Variants in RPS6KC1 observed in about 807,000 individuals in gnomAD.
RPS6KC1 encodes the protein ribosomal protein S6 kinase C1.
Under a neutral mutation model 103.8 loss-of-function variants are expected in RPS6KC1, and 54 were observed. The observed-to-expected ratio is 0.52, with a 90% CI of 0.42 to 0.65. The LOEUF is 0.65. Ranked by LOEUF, RPS6KC1 falls within the 30% of genes least tolerant of loss-of-function variation. The pLI is 0.00. For synonymous variants in RPS6KC1, 439 were observed against 438.7 expected (o/e 1.00, Z -0.01); for missense variants, 1,151 against 1,253.8 (o/e 0.92, Z 1.24).
the RPS6KC1 span, among the ~76,000 whole-genome samples, chr1:213,798,802 C>T: frequency 6.6e-6 from 1 of 152,068 alleles, no homozygotes; most frequent in Non-Finnish European, 1.5e-5. Flanking sequence ...ATGTTTTAGA[C>T]TCCTATAGAG....
At chr1:213,138,272 T>C (rs1049015768) in intron 6 of RPS6KC1, among the ~76,000 whole-genome samples, 5 of 152,158 alleles carry the variant, frequency 3.3e-5, no homozygotes, top group African/African-American at 9.7e-5. Context: ...TATAGCACTT[T>C]GCAGATTTTT....
the RPS6KC1 span, among the ~76,000 whole-genome samples, chr1:213,777,304 G>A: frequency 3.3e-5 from 5 of 152,278 alleles, no homozygotes; most frequent in Non-Finnish European, 5.9e-5. Context: ...AGTGAAAGAC[G>A]TGTGACTCTT....
the RPS6KC1 span, among the ~76,000 whole-genome samples, chr1:213,525,627 A>G: frequency 6.6e-6 from 1 of 152,234 alleles, no homozygotes; most frequent in Non-Finnish European, 1.5e-5. Context: ...AAATCCACCA[A>G]GAAAACAAAG....
At chr1:213,375,064 C>CACACACAT in the RPS6KC1 span, among the ~76,000 whole-genome samples, 1 of 151,556 alleles carries the variant, frequency 6.6e-6, no homozygotes, top group Non-Finnish European at 1.5e-5. Flanking sequence ...TACACACATA[C>CACACACAT]ACACACATAC....
the RPS6KC1 span, among the ~76,000 whole-genome samples, chr1:213,580,599 C>T: frequency 2.0e-5 from 3 of 152,086 alleles, no homozygotes; most frequent in Non-Finnish European, 4.4e-5. Flanking sequence ...AAGGAAGAGT[C>T]GATTGATGTG....
intron 6 of RPS6KC1, among the ~76,000 whole-genome samples, chr1:213,148,080 T>A (rs2088100885): frequency 6.6e-6 from 1 of 152,244 alleles, no homozygotes; most frequent in South Asian, 2.1e-4. Flanking sequence ...TGTTAGCAGT[T>A]CTAATAATTT....
chr1:213,402,389 C>G, the RPS6KC1 span, among the ~76,000 whole-genome samples: 1 of 152,160 alleles, frequency 6.6e-6, no homozygotes, highest in African/African-American at 2.4e-5. Flanking sequence ...TCACACACCC[C>G]CTCCTCAACC....
the RPS6KC1 span, among the ~76,000 whole-genome samples, chr1:213,532,088 G>A: frequency 6.6e-6 from 1 of 152,150 alleles, no homozygotes; most frequent in Non-Finnish European, 1.5e-5. Context: ...AGCGCTTACG[G>A]CCTTCACTCA....
At chr1:213,292,594 C>T in the RPS6KC1 span, among the ~76,000 whole-genome samples, 1 of 152,170 alleles carries the variant, frequency 6.6e-6, no homozygotes, top group Non-Finnish European at 1.5e-5. Flanking sequence ...CATTACCTTC[C>T]ACTCCAGGAG....
the RPS6KC1 span, among the ~76,000 whole-genome samples, chr1:213,773,014 G>A: frequency 6.6e-6 from 1 of 152,102 alleles, no homozygotes; most frequent in Non-Finnish European, 1.5e-5. Context: ...ACCGCTCAAC[G>A]TCCCCTCTAA....
At chr1:213,409,405 G>C in the RPS6KC1 span, among the ~76,000 whole-genome samples, 31 of 152,162 alleles carry the variant, frequency 2.0e-4, no homozygotes, top group South Asian at 6.5e-3. Flanking sequence ...CTCTGTTTTA[G>C]TTGGTTTTGG....
At chr1:213,287,500 A>G in the RPS6KC1 span, among the ~76,000 whole-genome samples, 3 of 152,182 alleles carry the variant, frequency 2.0e-5, no homozygotes, top group African/African-American at 7.2e-5. Context: ...GCGGTGTACA[A>G]CATGTACAAC....
the RPS6KC1 span, among the ~76,000 whole-genome samples, chr1:213,362,352 A>G: frequency 6.6e-6 from 1 of 152,340 alleles, no homozygotes; most frequent in African/African-American, 2.4e-5. Context: ...CTCCAGCTGT[A>G]AAATGGGCCC....
the RPS6KC1 span, among the ~76,000 whole-genome samples, chr1:213,635,079 T>TTGAA: frequency 6.6e-6 from 1 of 152,040 alleles, no homozygotes; most frequent in Non-Finnish European, 1.5e-5. Context: ...CAGGAAGAAA[T>TTGAA]TGAATCTCTG....
chr1:213,596,097 T>C, the RPS6KC1 span, among the ~76,000 whole-genome samples: 3 of 152,340 alleles, frequency 2.0e-5, no homozygotes, highest in African/African-American at 2.4e-5. Context: ...GCCTGAGTTA[T>C]GAAAATGACA....
the RPS6KC1 span, among the ~76,000 whole-genome samples, chr1:213,595,648 C>T: frequency 6.6e-5 from 10 of 152,298 alleles, no homozygotes; most frequent in South Asian, 1.0e-3. Context: ...CCCAGCAATT[C>T]GTGCCTTGTT....
chr1:213,523,723 A>AGGC, the RPS6KC1 span, among the ~76,000 whole-genome samples: 1 of 152,386 alleles, frequency 6.6e-6, no homozygotes, highest in Non-Finnish European at 1.5e-5. Flanking sequence ...CAGAAAGTGT[A>AGGC]ATTCAAACTG....
the RPS6KC1 span, among the ~76,000 whole-genome samples, chr1:213,852,398 T>C: frequency 6.6e-6 from 1 of 152,122 alleles, no homozygotes; most frequent in Admixed American, 6.6e-5. Flanking sequence ...TTTTTTTTTT[T>C]ACTGGTAATG....
chr1:213,675,231 A>C, the RPS6KC1 span, among the ~76,000 whole-genome samples: 1 of 152,188 alleles, frequency 6.6e-6, no homozygotes, highest in Non-Finnish European at 1.5e-5. Context: ...TCCAAAGGCC[A>C]ATGCAAAGAC....
Sources: gnomAD v4.1 joint callset for allele counts (sites outside exome capture counted in the v4.1 genomes callset) on GRCh38, gnomAD v4.1.1 for gene constraint, MANE v1.5 for transcripts, NCBI Gene and HGNC (gene_info 2026-07-23, HGNC 2026-07-21) for gene names.